Variants in KLF10 observed in about 807,000 individuals in gnomAD.
KLF10 encodes the protein KLF transcription factor 10, also known as Krueppel-like factor 10.
Under a neutral mutation model 31.6 loss-of-function variants are expected in KLF10, and 17 were observed. The ratio of observed to expected loss-of-function variants is 0.54; its 90% CI spans 0.37 to 0.81. The LOEUF (loss-of-function observed/expected upper bound fraction) is 0.81. Ranked by LOEUF, KLF10 falls within the 30% of genes least tolerant of loss-of-function variation. KLF10 has a pLI of 0.00. For missense variants in KLF10, 525 were observed against 598.1 expected, an observed-to-expected ratio of 0.88 and a Z score of 1.27; for synonymous variants, 239 against 215.1, an observed-to-expected ratio of 1.11 and a Z score of -0.97.
chr8:102,652,540 C>A (rs943121360), intron 1 of KLF10, 143 bp from the exon 2 acceptor site: 8 of 571,902 alleles, frequency 1.4e-5, no homozygotes, highest in Non-Finnish European at 2.4e-5. Context: ...TTTCCTCTCA[C>A]ACTTACTATG....
intron 1 of KLF10, 92 bp downstream of exon 1, chr8:102,655,474 T>C: frequency 6.6e-7 from 1 of 1,506,270 alleles, no homozygotes; most frequent in Non-Finnish European, 9.2e-7. Context: ...TTCTCAGGCA[T>C]GGCTGATGTC....
intron 1 of KLF10, chr8:102,653,373 A>G: frequency 9.3e-7 from 1 of 1,070,390 alleles, no homozygotes; most frequent in Non-Finnish European, 1.3e-6. Flanking sequence ...GCTTGATGAC[A>G]AAATAACAGC....
chr8:102,653,476 T>A lies in KLF10; in HGVS notation c.37-1079A>T, dbSNP rs376512777. ...AAAAAATGGTACTACTCACCATTTC[T>A]CCTATTTTCCATTAAAAGAAAACTG... On this transcript the variant is annotated intron_variant, in intron 1 of 3. Transcript: ENST00000285407. The A allele has an allele frequency of 2.9e-5, 45 of 1,549,390 alleles. 1 individual carries two copies. The highest frequency in any genetic ancestry group is 1.7e-4 in the South Asian group (14 of 80,876).
Position 102,649,905 on chromosome 8 carries a change from T to C in KLF10, c.*227A>G, listed in dbSNP as rs1220425115. ...AAAAATATTCAAAGGAATAAAAGCT[T>C]TCTCATCTCTCTTATGTGATAAGAA... On this transcript the variant is annotated 3_prime_UTR_variant, in exon 4 of 4. Coordinates refer to ENST00000285407, the MANE Select transcript of KLF10 (RefSeq NM_005655.4). 4 of 569,528 alleles carry C rather than the reference T, an allele frequency of 7.0e-6. No homozygotes were observed. Among genetic ancestry groups the C allele is most frequent in the Non-Finnish European group, 9.3e-6 (3 of 323,146 alleles). The allele number at this position is 569,528 out of a possible 1,614,324, so 35.3% of individuals were successfully genotyped here.
At position 102,655,703 on chromosome 8, in the gene KLF10, C is replaced by T; in HGVS notation, c.-102G>A. 1 of 1,367,976 alleles carries T rather than the reference C, an allele frequency of 7.3e-7. No homozygotes were observed. Among genetic ancestry groups the T allele is most frequent in the African/African-American group, 1.4e-5 (1 of 69,744 alleles). The allele number at this position is 1,367,976 out of a possible 1,614,324, so 84.7% of individuals were successfully genotyped here. The stretch of plus-strand genomic sequence containing the variant: ...GAGACACTCGACGCCGCTCCCGCCG[C>T]CGCCGCGCTCAGCGCCGTCTGCCCC... On this transcript the variant is annotated 5_prime_UTR_variant, in exon 1 of 4. Transcript: ENST00000285407.
Position 102,651,774 on chromosome 8 carries a change from T to C in KLF10, c.558A>G (p.Arg186=). 1 of 1,614,228 alleles carries C rather than the reference T, an allele frequency of 6.2e-7. No homozygotes were observed. Among genetic ancestry groups the C allele is most frequent in the Non-Finnish European group, 8.5e-7 (1 of 1,180,040 alleles). The change falls in exon 3 of 4, where the codon AGA becomes AGG. Residue 186 remains arginine (R), a synonymous_variant. Coordinates refer to ENST00000285407, the MANE Select transcript of KLF10 (RefSeq NM_005655.4). ...SILNYQNNSF[R]RRTHLNVEAA... ...CCTCAACATTTAGGTGGGTTCTTCT[T>C]CTAAAAGAATTGTTCTGATAGTTGA...
intron 1 of KLF10, chr8:102,653,417 TG>T (rs1827263784): frequency 6.9e-7 from 1 of 1,447,894 alleles, no homozygotes; most frequent in South Asian, 1.4e-5. Context: ...AACTACCTAA[TG>T]TTTTATAGTA....
At position 102,652,954 on chromosome 8, in the gene KLF10, A is replaced by G. The variant is rs538065144; in HGVS notation, c.37-557T>C. On this transcript the variant is annotated intron_variant, in intron 1 of 3. Transcript: ENST00000285407. ...AAACCTTCTAATAAAGACAAAATGT[A>G]GTAGAGCTCTGGCCTGTTGTTATGG... 5.9e-5 allele frequency among the ~76,000 whole-genome samples: 9 copies of G among 152,310 alleles called. No homozygotes were observed. In the East Asian group the frequency reaches 1.7e-3, roughly 29 times the overall value.
intron 1 of KLF10, chr8:102,653,533 G>C: frequency 6.7e-7 from 1 of 1,498,008 alleles, no homozygotes; most frequent in East Asian, 2.5e-5. Context: ...TAGAGATTGT[G>C]TAAAAATACC....
chr8:102,650,001 C>T lies in KLF10; in HGVS notation c.*131G>A, dbSNP rs1827166761. 16 of 1,237,400 alleles carry T rather than the reference C, an allele frequency of 1.3e-5. No homozygotes were observed. The highest frequency in any genetic ancestry group is 9.4e-5 in the South Asian group (6 of 63,944). The allele number at this position is 1,237,400 out of a possible 1,614,324, so 76.7% of individuals were successfully genotyped here. A position where few individuals can be genotyped will look rare whatever the true frequency, so the allele number is the denominator to read the frequency against. On this transcript the variant is annotated 3_prime_UTR_variant, in exon 4 of 4. Transcript: ENST00000285407. ...AGTCACCTAACCCAGGCGGGGCCTT[C>T]GTGCCAGGCTGTGGGGCTTCTGCTT...
Position 102,651,521 on chromosome 8 carries a change from G to A in KLF10, c.811C>T (p.Pro271Ser). The change falls in exon 3 of 4, where the codon CCG (proline) becomes TCG (serine). Residue 271 changes from proline (P) to serine (S), a missense_variant. By Grantham distance (74) the Pro-to-Ser change is moderately conservative. Transcript: ENST00000285407. ...AGGGGAACCATCTGGCAGATGACCG[G>A]CATAGGTGGCACTCCCCCTGCAGAT... Reference protein sequence around the residue: ...AVSAGGVPPMPVICQMVPLPA... With the variant: ...AVSAGGVPPMSVICQMVPLPA... 6.2e-7 allele frequency: 1 copy of A among 1,613,216 alleles called. No homozygotes were observed. Among genetic ancestry groups the A allele is most frequent in the South Asian group, 1.1e-5 (1 of 91,056 alleles).
chr8:102,654,798 G>A (rs1827321089), intron 1 of KLF10, among the ~76,000 whole-genome samples: 1 of 151,876 alleles, frequency 6.6e-6, no homozygotes, highest in African/African-American at 2.4e-5. Context: ...CCAGCTGCTG[G>A]GTCCCGCTTC....
chr8:102,653,336 G>C (rs1417115997), intron 1 of KLF10: 3 of 733,570 alleles, frequency 4.1e-6, no homozygotes, highest in East Asian at 3.3e-5. Context: ...AATCAAAGTA[G>C]AATCTATTTT....
chr8:102,653,854 G>A (rs575973212), intron 1 of KLF10: 5 of 969,576 alleles, frequency 5.2e-6, no homozygotes, highest in South Asian at 9.0e-5. Flanking sequence ...AGGCAGGAAA[G>A]GGAAGCGCGG....
Position 102,649,524 on chromosome 8 carries a change from G to A in KLF10, c.*608C>T, listed in dbSNP as rs1827156526. 6.6e-6 allele frequency: 1 copy of A among 152,198 alleles called. No homozygotes were observed. The highest frequency in any genetic ancestry group is 1.5e-5 in the Non-Finnish European group (1 of 68,084). 9.4% of individuals were successfully genotyped at this position (152,198 alleles called of 1,614,324 possible). On this transcript the variant is annotated 3_prime_UTR_variant, in exon 4 of 4. Coordinates refer to ENST00000285407, the MANE Select transcript of KLF10 (RefSeq NM_005655.4). Reference sequence around the variant, plus strand: ...AATTAAGGAGGATTCCAATTCTTTGGGCCCTCTTAGCAATATACAGTCGTT... The same window carrying A: ...AATTAAGGAGGATTCCAATTCTTTGAGCCCTCTTAGCAATATACAGTCGTT...
Position 102,655,683 on chromosome 8 carries a change from A to ACTCGACGCCGCT in KLF10, c.-94_-83dup. On this transcript the variant is annotated 5_prime_UTR_variant, in exon 1 of 4. Coordinates refer to ENST00000285407, the MANE Select transcript of KLF10 (RefSeq NM_005655.4). Reference sequence around the variant, plus strand: ...TGGCCACAGACGGGCGCACGGAGACACTCGACGCCGCTCCCGCCGCCGCCG... The same window carrying ACTCGACGCCGCT: ...TGGCCACAGACGGGCGCACGGAGACACTCGACGCCGCTCTCGACGCCGCTCCCGCCGCCGCCG... 3 of 1,511,392 alleles carry ACTCGACGCCGCT rather than the reference A, an allele frequency of 2.0e-6. No homozygotes were observed. Among genetic ancestry groups the ACTCGACGCCGCT allele is most frequent in the South Asian group, 1.2e-5 (1 of 86,868 alleles). 93.6% of individuals were successfully genotyped at this position (1,511,392 alleles called of 1,614,324 possible).
chr8:102,653,890 A>G, intron 1 of KLF10: 1 of 633,630 alleles, frequency 1.6e-6, no homozygotes, highest in African/African-American at 2.4e-5. Flanking sequence ...GGGGAGGCAG[A>G]CGAGGGGCGG....
At position 102,651,387 on chromosome 8, in the gene KLF10, G is replaced by T; in HGVS notation, c.945C>A (p.Gly315=). ...GCTGGGGTACCACAAACATGACAGC[G>T]CCTTTGGGGACTTGTGTGCCCATGA... ...VVFMGTQVPK[G]AVMFVVPQPV... is the part of the protein sequence containing the mutation. Residue 315 remains glycine (G), a synonymous_variant, in exon 3 of 4, where the codon GGC becomes GGA. Coordinates refer to ENST00000285407, the MANE Select transcript of KLF10 (RefSeq NM_005655.4). The T allele has an allele frequency of 6.2e-7, 1 of 1,606,590 alleles. No homozygotes were observed. The highest frequency in any genetic ancestry group is 1.1e-5 in the South Asian group (1 of 89,996).
intron 1 of KLF10, chr8:102,653,950 C>T (rs1411372656): frequency 6.1e-6 from 6 of 987,142 alleles, no homozygotes; most frequent in Non-Finnish European, 7.2e-6. Flanking sequence ...CGGATGGGGC[C>T]GCCCTAACCT....
Sources: allele counts gnomAD v4.1 joint callset (sites outside exome capture counted in the v4.1 genomes callset), GRCh38; gene constraint gnomAD v4.1.1; transcripts MANE v1.5; gene names NCBI Gene and HGNC (gene_info 2026-07-23, HGNC 2026-07-21).